Variants in PARP9 observed in about 807,000 individuals in gnomAD.
PARP9 encodes the protein protein mono-ADP-ribosyltransferase PARP9.
Under a neutral mutation model 68.8 loss-of-function variants are expected in PARP9, and 48 were observed. That is an observed-to-expected ratio of 0.70 (90% confidence interval 0.55 to 0.89). The LOEUF (loss-of-function observed/expected upper bound fraction) is 0.89. Among genes scored for constraint, PARP9 ranks in the 40% least tolerant of loss-of-function variants. The pLI is 0.00. For missense variants in PARP9, 806 were observed against 969.3 expected (o/e 0.83, Z 2.24); for synonymous variants, 309 against 333.8 (o/e 0.93, Z 0.81).
chr3:122,547,147 T>G (rs1576414231), intron 6 of PARP9, among the ~76,000 whole-genome samples: 1 of 143,436 alleles, frequency 7.0e-6, no homozygotes, highest in African/African-American at 2.6e-5. Flanking sequence ...CTGGCTGGCG[T>G]GCAGTGGTGC....
rs2107774713 is a variant in PARP9, at chr3:122,564,273, A to G, written c.-118T>C. On this transcript the variant is annotated 5_prime_UTR_variant, in exon 1 of 11. Transcript: ENST00000682323. Reference sequence around the variant, plus strand: ...GCAGGCCGCTCTCCTCGGTGCAGACAGCACAGGGAGGAGGGGGAAGCGGCT... The same window carrying G: ...GCAGGCCGCTCTCCTCGGTGCAGACGGCACAGGGAGGAGGGGGAAGCGGCT... 2 of 933,138 alleles carry G rather than the reference A, an allele frequency of 2.1e-6. No homozygotes were observed. Among genetic ancestry groups the G allele is most frequent in the Non-Finnish European group, 1.5e-6 (1 of 649,852 alleles). The allele number at this position is 933,138 out of a possible 1,614,324, so 57.8% of individuals were successfully genotyped here.
intron 1 of PARP9, among the ~76,000 whole-genome samples, chr3:122,560,363 C>G (rs1191404731): frequency 6.6e-6 from 1 of 151,890 alleles, no homozygotes; most frequent in Non-Finnish European, 1.5e-5. Flanking sequence ...ATTTAGGCCT[C>G]GAAATGATTT....
intron 1 of PARP9, among the ~76,000 whole-genome samples, chr3:122,562,725 A>G (rs2080346215): frequency 6.6e-6 from 1 of 152,186 alleles, no homozygotes; most frequent in Admixed American, 6.5e-5. Context: ...TTTTTCCCAC[A>G]TAATGTATCC....
chr3:122,551,553 G>A (rs1190196964), intron 5 of PARP9, among the ~76,000 whole-genome samples: 1 of 152,110 alleles, frequency 6.6e-6, no homozygotes, highest in Non-Finnish European at 1.5e-5. Context: ...AGGCTAGAGG[G>A]CAGTGGCGCG....
chr3:122,538,617 G>T (rs1422401864), intron 8 of PARP9, among the ~76,000 whole-genome samples: 1 of 151,526 alleles, frequency 6.6e-6, no homozygotes, highest in East Asian at 1.9e-4. Context: ...ATAGCTGGGA[G>T]CATTGGCCCA....
chr3:122,562,156 CTCTTT>C (rs11276615), intron 1 of PARP9, among the ~76,000 whole-genome samples: 11,356 of 141,038 alleles, frequency 0.081, 565 homozygotes, highest in Admixed American at 0.17. Context: ...TGGCAATATA[CTCTTT>C]TCTTTTCTTT....
rs28365795 is a variant in PARP9 at position 122,540,793 on chromosome 3, T to A, written c.1444A>T (p.Ile482Phe). Residue 482 changes from isoleucine to phenylalanine, a missense_variant, in exon 8 of 11, where the codon ATC becomes TTC. Physicochemically the swap from Ile to Phe is conservative, Grantham distance 21. This residue lies in a region of PARP9 where 680 missense variants were observed against 858.8 expected (regional missense o/e 0.79). Coordinates refer to ENST00000682323, the MANE Select transcript of PARP9 (RefSeq NM_001146105.2). Reference protein sequence around the residue: ...ENGLEARSPAINLMGFNVEEM... With the variant: ...ENGLEARSPAFNLMGFNVEEM... ...TCCACGTTGAATCCCATCAGATTGA[T>A]GGCAGGAGATCTAGCTTCAAGCCCA... 6.2e-6 allele frequency: 10 copies of A among 1,614,100 alleles called. 1 individual carries two copies. In the South Asian group the frequency reaches 1.1e-4, roughly 18 times the overall value.
At chr3:122,564,463 G>C (rs1231224681), upstream of PARP9, 1 of 1,612,254 alleles carries the variant, frequency 6.2e-7, no homozygotes, top group Non-Finnish European at 8.5e-7. Flanking sequence ...CCCGCTCCTC[G>C]TGCGGGTGTA....
At chr3:122,549,194 T>G (rs1031769106) in intron 6 of PARP9, among the ~76,000 whole-genome samples, 2 of 152,034 alleles carry the variant, frequency 1.3e-5, no homozygotes, top group African/African-American at 4.8e-5. Context: ...TTTTGTATTT[T>G]TAGTAGAAAC....
intron 6 of PARP9, 87 bp downstream of exon 6, chr3:122,550,497 C>A (rs1559853153): frequency 1.1e-5 from 12 of 1,109,704 alleles, no homozygotes; most frequent in East Asian, 5.0e-5. Flanking sequence ...GCATCCCCTG[C>A]ATCTTACATT....
rs766542532 is a variant in PARP9, at chr3:122,560,505, G to A, written c.-89-796C>T. Among the ~76,000 whole-genome samples, 115 of 152,050 alleles carry A rather than the reference G, an allele frequency of 7.6e-4. 2 individuals are homozygous for A. Among genetic ancestry groups the A allele is most frequent in the Admixed American group, 3.9e-3 (59 of 15,266 alleles). On this transcript the variant is annotated intron_variant, in intron 1 of 10. Transcript: ENST00000682323. ...GGGTTCACGCCATTCTCCTGCCTCA[G>A]CCTCCTGAGTAGCTGGGACTACAGG...
intron 10 of PARP9, among the ~76,000 whole-genome samples, chr3:122,530,929 G>C (rs1163067506): frequency 6.6e-6 from 1 of 152,124 alleles, no homozygotes; most frequent in Non-Finnish European, 1.5e-5. Flanking sequence ...CAGGTATTGT[G>C]CCACTCACCT....
chr3:122,553,667 TA>T lies in PARP9; in HGVS notation c.886-1029del, dbSNP rs2079399323. ...TTCCCTCTAATTGTCTTATAGGCAA[TA>T]AGTGTTATTGGTTTGTTTGTTTTAC... On this transcript the variant is annotated intron_variant, in intron 4 of 10. Coordinates refer to ENST00000682323, the MANE Select transcript of PARP9 (RefSeq NM_001146105.2). Among the ~76,000 whole-genome samples the T allele has an allele frequency of 2.0e-5, 3 of 152,184 alleles. No homozygotes were observed. The South Asian group carries it at 6.2e-4, about 32-fold the overall frequency.
rs771120631 is a variant in PARP9, at chr3:122,528,612, G to C, written c.2212C>G (p.Gln738Glu). ...EAEVLTGFFC[Q>E]GHPLNIVPPP... ...GGAACAATATTTAACGGATGTCCCTGGCAGAAGAAGCCTGTGAGTACTTCA... is the reference window on the plus strand; with the variant it reads ...GGAACAATATTTAACGGATGTCCCTCGCAGAAGAAGCCTGTGAGTACTTCA... The change falls in exon 11 of 11, where the codon CAG becomes GAG. Residue 738 changes from glutamine (Q) to glutamate (E), a missense_variant. This residue lies in a region of PARP9 where 680 missense variants were observed against 858.8 expected (regional missense o/e 0.79). Transcript: ENST00000682323. The C allele has an allele frequency of 6.2e-7, 1 of 1,614,150 alleles. No homozygotes were observed. Among genetic ancestry groups the C allele is most frequent in the South Asian group, 1.1e-5 (1 of 91,076 alleles).
chr3:122,548,701 G>A (rs1481801304), intron 6 of PARP9, among the ~76,000 whole-genome samples: 1 of 152,108 alleles, frequency 6.6e-6, no homozygotes, highest in Non-Finnish European at 1.5e-5. Flanking sequence ...GAGATGAAGT[G>A]CACTCAGACA....
At chr3:122,542,028 C>T (rs2078268441) in intron 7 of PARP9, among the ~76,000 whole-genome samples, 1 of 152,092 alleles carries the variant, frequency 6.6e-6, no homozygotes, top group Non-Finnish European at 1.5e-5. Context: ...TTTTAGACAA[C>T]AGTAAGAAGT....
intron 1 of PARP9, among the ~76,000 whole-genome samples, chr3:122,560,093 T>G (rs762019317): frequency 2.6e-5 from 4 of 152,098 alleles, no homozygotes; most frequent in Non-Finnish European, 5.9e-5. Context: ...AAGACCGAGC[T>G]TATGAGTGAG....
intron 6 of PARP9, among the ~76,000 whole-genome samples, chr3:122,547,136 C>G (rs2078817309): frequency 7.1e-6 from 1 of 140,752 alleles, no homozygotes; most frequent in Admixed American, 7.1e-5. Flanking sequence ...TTGAGATGGC[C>G]CTGGCTGGCG....
intron 1 of PARP9, among the ~76,000 whole-genome samples, chr3:122,563,732 A>G (rs1476527581): frequency 1.3e-5 from 2 of 151,822 alleles, no homozygotes; most frequent in African/African-American, 4.8e-5. Context: ...TCTCGCCGCC[A>G]CACTCAATTT....
Sources: allele counts gnomAD v4.1 joint callset (sites outside exome capture counted in the v4.1 genomes callset), GRCh38; gene constraint gnomAD v4.1.1; regional missense constraint gnomAD v4.1.1; transcripts MANE v1.5; gene names NCBI Gene and HGNC (gene_info 2026-07-23, HGNC 2026-07-21).